ATE1: variants seen among roughly 807,000 people sequenced by gnomAD.
ATE1 encodes arginyltransferase 1.
A neutral mutation model predicts 70.5 loss-of-function variants in ATE1; 36 were observed. The ratio of observed to expected loss-of-function variants is 0.51; its 90% CI spans 0.39 to 0.67. ATE1 has a LOEUF of 0.67. ATE1 is among the 30% of genes least tolerant of loss of function. The pLI, the probability that ATE1 is intolerant of heterozygous loss-of-function variation, is 0.00. For synonymous variants in ATE1, 232 were observed against 219.3 expected (o/e 1.06, Z -0.51); for missense variants, 593 against 629.5 (o/e 0.94, Z 0.62).
In ATE1 at chr10:121,902,372, C is replaced by T. The variant is rs898193756; in HGVS notation, c.813+19G>A. 6.3e-7 allele frequency: 1 copy of T among 1,590,386 alleles called. No homozygotes were observed. Among genetic ancestry groups the T allele is most frequent in the Non-Finnish European group, 8.6e-7 (1 of 1,166,420 alleles). ...AAAAAAATCATAATAAAACAAACAA[C>T]AAAAGTCCTCCAAAGTACCTCTAAC... On this transcript the variant is annotated intron_variant, in intron 6 of 11. Transcript: ENST00000224652.
chr10:121,746,655 C>A (rs1286038762), intron 11 of ATE1, among the ~76,000 whole-genome samples: 5 of 152,014 alleles, frequency 3.3e-5, no homozygotes, highest in African/African-American at 9.7e-5. Context: ...ACAGTACATT[C>A]ACTACAAATT....
chr10:121,836,692 TACA>T, intron 10 of ATE1, 23 bp downstream of exon 10: 4 of 1,356,138 alleles, frequency 2.9e-6, no homozygotes, highest in Non-Finnish European at 4.1e-6. Context: ...ATAATAAAAA[TACA>T]CATATGTGAA....
intron 7 of ATE1, among the ~76,000 whole-genome samples, chr10:121,891,314 GCCTCCACC>G (rs1376289792): frequency 6.6e-6 from 1 of 152,066 alleles, no homozygotes; most frequent in Non-Finnish European, 1.5e-5. Flanking sequence ...TGCAAATGTG[GCCTCCACC>G]AGGTGGTGGC....
At chr10:121,858,957 T>C (rs2133937445) in intron 8 of ATE1, among the ~76,000 whole-genome samples, 1 of 151,760 alleles carries the variant, frequency 6.6e-6, no homozygotes, top group Non-Finnish European at 1.5e-5. Context: ...TAGCCAGGCG[T>C]GGTGGCACAT....
chr10:121,834,786 A>T (rs545657763), intron 10 of ATE1, among the ~76,000 whole-genome samples: 3 of 152,356 alleles, frequency 2.0e-5, no homozygotes, highest in African/African-American at 7.2e-5. Flanking sequence ...GCATAATGAA[A>T]AACTTTCAAG....
chr10:121,785,162 G>A (rs754065886), intron 11 of ATE1, among the ~76,000 whole-genome samples: 1 of 152,126 alleles, frequency 6.6e-6, no homozygotes, highest in Non-Finnish European at 1.5e-5. Flanking sequence ...TTTGCAACTT[G>A]AAGTGGGTAG....
At chr10:121,862,745 C>A (rs1313478283) in intron 8 of ATE1, among the ~76,000 whole-genome samples, 2 of 151,824 alleles carry the variant, frequency 1.3e-5, no homozygotes, top group African/African-American at 4.8e-5. Flanking sequence ...CCGGTCCCAA[C>A]AGAATGAAAT....
At chr10:121,770,084 C>T (rs141873870) in intron 11 of ATE1, among the ~76,000 whole-genome samples, 1,883 of 152,258 alleles carry the variant, frequency 0.012, 13 homozygotes, top group Admixed American at 0.018. Context: ...CAGTCCTAAA[C>T]TGAAAAACAA....
intron 8 of ATE1, among the ~76,000 whole-genome samples, chr10:121,859,260 A>AT (rs1308495218): frequency 4.4e-4 from 64 of 146,426 alleles, no homozygotes; most frequent in South Asian, 3.0e-3. Flanking sequence ...ATTTTATTTT[A>AT]TTTTTTTTTT....
intron 11 of ATE1, among the ~76,000 whole-genome samples, chr10:121,746,660 C>T (rs1342880398): frequency 1.3e-5 from 2 of 151,822 alleles, no homozygotes; most frequent in Admixed American, 6.6e-5. Flanking sequence ...ACATTCACTA[C>T]AAATTTAATC....
At position 121,830,858 on chromosome 10, in the gene ATE1, A is replaced by C. The variant is rs545239450; in HGVS notation, c.1257+5860T>G. ...CAGATTTTCGGAATTCCCCCTCCCA[A>C]GAAGAAATAATGGGAACGTAATATA... On this transcript the variant is annotated intron_variant, in intron 10 of 11. Coordinates refer to ENST00000224652, the MANE Select transcript of ATE1 (RefSeq NM_001001976.3). Among the ~76,000 whole-genome samples, 13 of 152,314 alleles carry C rather than the reference A, an allele frequency of 8.5e-5. 1 individual carries two copies. The highest frequency in any genetic ancestry group is 2.9e-4 in the African/African-American group (12 of 41,572).
chr10:121,822,885 TG>T (rs1209876770), intron 10 of ATE1, among the ~76,000 whole-genome samples: 1 of 152,208 alleles, frequency 6.6e-6, no homozygotes, highest in African/African-American at 2.4e-5. Context: ...TCCTTTTGTC[TG>T]GGCATCTCTC....
At chr10:121,828,693 A>T (rs1948119687) in intron 10 of ATE1, among the ~76,000 whole-genome samples, 1 of 152,188 alleles carries the variant, frequency 6.6e-6, no homozygotes, top group Non-Finnish European at 1.5e-5. Flanking sequence ...GCATGCACAG[A>T]CAGGGATGAG....
At position 121,770,150 on chromosome 10, in the gene ATE1, C is replaced by T. The variant is rs534166135; in HGVS notation, c.1378+20019G>A. On this transcript the variant is annotated intron_variant, in intron 11 of 11. Transcript: ENST00000224652. ...AATGGCTAAACGAAGTATAACATAT[C>T]TAACATCCATGCCATGGAATACTAC... Among the ~76,000 whole-genome samples, 8 of 151,274 alleles carry T rather than the reference C, an allele frequency of 5.3e-5. No homozygotes were observed. The South Asian group carries it at 1.3e-3, about 24-fold the overall frequency.
intron 8 of ATE1, among the ~76,000 whole-genome samples, chr10:121,864,508 G>A (rs1949591053): frequency 6.6e-6 from 1 of 152,226 alleles, no homozygotes; most frequent in South Asian, 2.1e-4. Flanking sequence ...CCTGATGTAT[G>A]ACCATTGGCT....
At chr10:121,765,439 A>AGGTG (rs368924511) in intron 11 of ATE1, among the ~76,000 whole-genome samples, 3 of 151,402 alleles carry the variant, frequency 2.0e-5, no homozygotes, top group East Asian at 3.9e-4. Flanking sequence ...CTATGCTAAC[A>AGGTG]TTCAGAATAT....
chr10:121,855,258 T>C (rs1450211234), intron 8 of ATE1, among the ~76,000 whole-genome samples: 1 of 152,220 alleles, frequency 6.6e-6, no homozygotes, highest in African/African-American at 2.4e-5. Flanking sequence ...AGACAAATAA[T>C]TCCATGTACT....
chr10:121,822,584 T>C (rs1030661822), intron 10 of ATE1, among the ~76,000 whole-genome samples: 18 of 152,284 alleles, frequency 1.2e-4, no homozygotes, highest in Middle Eastern at 3.4e-3. Context: ...GAGACACGAA[T>C]TCACAGAAAA....
At chr10:121,912,737 C>A (rs114016875) in intron 4 of ATE1, among the ~76,000 whole-genome samples, 2,222 of 151,726 alleles carry the variant, frequency 0.015, 50 homozygotes, top group African/African-American at 0.052. Context: ...TAACTCAGAA[C>A]CTAATTCCTT....
Sources: allele counts gnomAD v4.1 joint callset (sites outside exome capture counted in the v4.1 genomes callset), GRCh38; gene constraint gnomAD v4.1.1; transcripts MANE v1.5; gene names NCBI Gene and HGNC (gene_info 2026-07-23, HGNC 2026-07-21).